PACRGL: variants seen among roughly 807,000 people sequenced by gnomAD.
PACRGL encodes PACRG-like protein.
A neutral mutation model predicts 34.5 loss-of-function variants in PACRGL; 38 were observed. That is an observed-to-expected ratio of 1.10 (90% CI 0.85 to 1.44). The LOEUF is 1.44. Ranked by LOEUF, PACRGL falls within the 40% of genes most tolerant of loss-of-function variation. The pLI is 0.00. For missense variants in PACRGL, 305 were observed against 281.4 expected (o/e 1.08, Z -0.60); for synonymous variants, 128 against 100.1 (o/e 1.28, Z -1.66).
At chr4:20,756,430 TCTC>T (rs1054061454), downstream of PACRGL, among the ~76,000 whole-genome samples, 4 of 152,136 alleles carry the variant, frequency 2.6e-5, no homozygotes, top group Non-Finnish European at 5.9e-5. Context: ...GCTATTAACA[TCTC>T]CTTCTTTACC....
chr4:20,704,237 A>G (rs991837356), intron 1 of PACRGL, among the ~76,000 whole-genome samples: 5 of 152,096 alleles, frequency 3.3e-5, no homozygotes, highest in Non-Finnish European at 7.4e-5. Flanking sequence ...AAAAAAGTTG[A>G]CTTTTGTACA....
At chr4:20,732,902 T>C (rs1748683298), downstream of PACRGL, 2 of 640,090 alleles carry the variant, frequency 3.1e-6, no homozygotes, top group Non-Finnish European at 2.7e-6. Flanking sequence ...GTTTGTTGGA[T>C]TCTTTGTTAG....
At chr4:20,739,697 C>T (rs552294795) in intron 8 of PACRGL, among the ~76,000 whole-genome samples, 3 of 152,266 alleles carry the variant, frequency 2.0e-5, no homozygotes, top group South Asian at 2.1e-4. Flanking sequence ...TCCAAAGGAA[C>T]GCACCTCCTC....
At chr4:20,738,894 T>C (rs768927695) in intron 8 of PACRGL, among the ~76,000 whole-genome samples, 4 of 152,134 alleles carry the variant, frequency 2.6e-5, no homozygotes, top group Non-Finnish European at 4.4e-5. Flanking sequence ...CCTGCCAATA[T>C]TGTGCTTTTC....
At chr4:20,697,563 G>C (rs1007362431), upstream of PACRGL, among the ~76,000 whole-genome samples, 14 of 152,214 alleles carry the variant, frequency 9.2e-5, 1 homozygote, top group African/African-American at 1.7e-4. Context: ...AGACAGTGCA[G>C]TAACCTAGAG....
At chr4:20,756,310 TA>T (rs1754438139), downstream of PACRGL, among the ~76,000 whole-genome samples, 1 of 152,158 alleles carries the variant, frequency 6.6e-6, no homozygotes, top group African/African-American at 2.4e-5. Context: ...TGTCTTGAGA[TA>T]AAACCTTCTT....
chr4:20,759,472 C>T, the PACRGL span, among the ~76,000 whole-genome samples: 1 of 152,092 alleles, frequency 6.6e-6, no homozygotes, highest in Non-Finnish European at 1.5e-5. Context: ...GGAGAGTCTG[C>T]AAAGAAATGG....
intron 1 of PACRGL, among the ~76,000 whole-genome samples, chr4:20,703,560 G>T (rs78014153): frequency 0.062 from 9,352 of 150,488 alleles, 436 homozygotes; most frequent in Middle Eastern, 0.13. Flanking sequence ...AAATTGATTG[G>T]ATTAGCTGGA....
rs1327412550 is a variant in PACRGL at position 20,709,724 on chromosome 4, GTCC to G, written c.322_324del (p.Pro108del). The G allele has an allele frequency of 2.5e-6, 4 of 1,610,486 alleles. No individual in the cohort carries two copies. The highest frequency in any genetic ancestry group is 2.7e-5 in the African/African-American group (2 of 74,964). On this transcript the variant is annotated inframe_deletion, in exon 5 of 9. Transcript: ENST00000503585. ...GTAAAACACAGATTACAGTGGGAAT[GTCC>G]TCCTGAAAGTCTTTCATTTGATCCA...
At chr4:20,747,728 C>G (rs1158609084) in intron 8 of PACRGL, among the ~76,000 whole-genome samples, 1 of 152,090 alleles carries the variant, frequency 6.6e-6, no homozygotes, top group Non-Finnish European at 1.5e-5. Flanking sequence ...ATTCCTGGCC[C>G]AGAATCTTCG....
At chr4:20,744,149 T>G (rs1016582864) in intron 8 of PACRGL, among the ~76,000 whole-genome samples, 3 of 150,994 alleles carry the variant, frequency 2.0e-5, no homozygotes, top group Non-Finnish European at 2.9e-5. Context: ...ATAGGAACAC[T>G]TTTGCACTGT....
downstream of PACRGL, among the ~76,000 whole-genome samples, chr4:20,737,408 T>C (rs62410159): frequency 0.33 from 50,303 of 151,980 alleles, 8,772 homozygotes; most frequent in African/African-American, 0.44. Flanking sequence ...GAGGAGCACT[T>C]TGAATACTGA....
Position 20,727,315 on chromosome 4 carries a change from C to G in PACRGL, c.721C>G (p.Pro241Ala). The G allele has an allele frequency of 1.2e-6, 2 of 1,612,956 alleles. No homozygotes were observed. The highest frequency in any genetic ancestry group is 1.7e-6 in the Non-Finnish European group (2 of 1,179,240). The change falls in exon 9 of 9, where the codon CCA (proline) becomes GCA (alanine). Residue 241 changes from proline to alanine, a missense_variant. Coordinates refer to ENST00000503585, the MANE Select transcript of PACRGL (RefSeq NM_001258345.3). ...CCTTAGCATCATCAAATCTAAAATT[C>G]CAACATACTGCTCCATATGCTGTTG... ...GSLSIIKSKIPTYCSICC is the reference protein window; with the variant it reads ...GSLSIIKSKIATYCSICC
At chr4:20,767,148 T>C in the PACRGL span, 1 of 152,204 alleles carries the variant, frequency 6.6e-6, no homozygotes, top group Non-Finnish European at 1.5e-5. Flanking sequence ...AGACCAAGGA[T>C]AAATCATATT....
intron 4 of PACRGL, among the ~76,000 whole-genome samples, chr4:20,708,925 G>A (rs1325647378): frequency 6.0e-5 from 9 of 150,564 alleles, no homozygotes; most frequent in Admixed American, 5.3e-4. Context: ...TCAGGAGTTC[G>A]AGACCAGCCT....
chr4:20,759,245 GTGAATC>G, the PACRGL span, among the ~76,000 whole-genome samples: 5,889 of 152,204 alleles, frequency 0.039, 136 homozygotes, highest in East Asian at 0.092. Context: ...ATAGTCTTTG[GTGAATC>G]TTGGTTTTGT....
the PACRGL span, among the ~76,000 whole-genome samples, chr4:20,760,160 T>C: frequency 6.6e-6 from 1 of 152,178 alleles, no homozygotes. Flanking sequence ...TAAGTTCTGT[T>C]TAGTCTCTTT....
chr4:20,758,551 TAGTC>T, the PACRGL span, among the ~76,000 whole-genome samples: 2 of 152,212 alleles, frequency 1.3e-5, no homozygotes, highest in African/African-American at 2.4e-5. Flanking sequence ...ACCCTCATAA[TAGTC>T]AGAAAACATT....
the PACRGL span, among the ~76,000 whole-genome samples, chr4:20,759,960 A>G: frequency 6.6e-6 from 1 of 152,190 alleles, no homozygotes; most frequent in Admixed American, 6.5e-5. Context: ...TTGGCACTGC[A>G]GAACCTGCAG....
Sources: allele counts gnomAD v4.1 joint callset (sites outside exome capture counted in the v4.1 genomes callset), GRCh38; gene constraint gnomAD v4.1.1; transcripts MANE v1.5; gene names NCBI Gene and HGNC (gene_info 2026-07-23, HGNC 2026-07-21).